The following SRFBP1 variants were observed in gnomAD, a reference collection of about 807,000 sequenced individuals.
SRFBP1 encodes serum response factor-binding protein 1.
A neutral mutation model predicts 45.5 loss-of-function variants in SRFBP1; 47 were observed. That is an observed-to-expected ratio of 1.03 (90% CI 0.82 to 1.32). The LOEUF (loss-of-function observed/expected upper bound fraction) is 1.32, where lower values mean the gene tolerates loss of function less well. Among genes scored for constraint, SRFBP1 ranks in the 40% most tolerant of loss-of-function variants. The pLI, the probability that SRFBP1 is intolerant of heterozygous loss-of-function variation, is 0.00. For synonymous variants in SRFBP1, 203 were observed against 166.3 expected, an observed-to-expected ratio of 1.22 and a Z score of -1.70; for missense variants, 621 against 484.6, an observed-to-expected ratio of 1.28 and a Z score of -2.64.
chr5:121,979,336 A>G (rs1752361879), intron 3 of SRFBP1, among the ~76,000 whole-genome samples: 1 of 152,146 alleles, frequency 6.6e-6, no homozygotes, highest in Admixed American at 6.5e-5. Flanking sequence ...ATGCTTTTTT[A>G]AAAGTTACCA....
At chr5:121,982,448 C>G (rs950129774) in intron 3 of SRFBP1, among the ~76,000 whole-genome samples, 1 of 151,836 alleles carries the variant, frequency 6.6e-6, no homozygotes, top group Non-Finnish European at 1.5e-5. Context: ...ATTCTTAACA[C>G]TTTTGCATTT....
chr5:121,977,463 G>A (rs998610452), intron 3 of SRFBP1, among the ~76,000 whole-genome samples: 1 of 151,932 alleles, frequency 6.6e-6, no homozygotes, highest in African/African-American at 2.4e-5. Flanking sequence ...CTTATTTATG[G>A]TTCTTTTACA....
chr5:121,992,006 A>G (rs1247421990), intron 3 of SRFBP1, among the ~76,000 whole-genome samples: 1 of 152,172 alleles, frequency 6.6e-6, no homozygotes, highest in Non-Finnish European at 1.5e-5. Context: ...TCCGAATAAT[A>G]TGGTATAATG....
chr5:122,019,650 G>A (rs114870932), intron 5 of SRFBP1, among the ~76,000 whole-genome samples: 6,654 of 150,192 alleles, frequency 0.044, 171 homozygotes, highest in African/African-American at 0.06. Context: ...TTTTGGTTTC[G>A]CCACTTAGGA....
At chr5:122,061,741 A>T (rs566251458) in intron 2 of SRFBP1, among the ~76,000 whole-genome samples, 108 of 152,016 alleles carry the variant, frequency 7.1e-4, no homozygotes, top group Middle Eastern at 6.8e-3. Flanking sequence ...GGAAAGACAT[A>T]TTTTTTTCTA....
chr5:122,012,476 C>T (rs1248974343), intron 4 of SRFBP1, among the ~76,000 whole-genome samples: 1 of 151,986 alleles, frequency 6.6e-6, no homozygotes, highest in African/African-American at 2.4e-5. Context: ...ATTTATGAAA[C>T]ATATAACTAA....
chr5:122,010,829 A>AT (rs1186431452), intron 4 of SRFBP1, among the ~76,000 whole-genome samples: 2 of 152,114 alleles, frequency 1.3e-5, no homozygotes, highest in Non-Finnish European at 2.9e-5. Flanking sequence ...ATTGGAGAGT[A>AT]TTTTTCCAAA....
At chr5:122,020,824 GA>G in intron 6 of SRFBP1, 22 bp downstream of exon 6, 1 of 1,503,278 alleles carries the variant, frequency 6.7e-7, no homozygotes, top group Non-Finnish European at 8.9e-7. Context: ...TTTCTATTCT[GA>G]AATAATCATT....
chr5:121,985,360 A>G (rs17416859), intron 3 of SRFBP1, among the ~76,000 whole-genome samples: 3,342 of 151,622 alleles, frequency 0.022, 68 homozygotes, highest in Non-Finnish European at 0.03. Context: ...TACATTGTAA[A>G]GGAAGTATGT....
At chr5:122,041,344 T>A (rs560319060) in intron 2 of SRFBP1, among the ~76,000 whole-genome samples, 3 of 152,322 alleles carry the variant, frequency 2.0e-5, no homozygotes, top group South Asian at 4.1e-4. Flanking sequence ...TTACCATAAT[T>A]GATTTAAAGT....
intron 3 of SRFBP1, among the ~76,000 whole-genome samples, chr5:121,984,083 C>T (rs1011581160): frequency 2.0e-5 from 3 of 151,750 alleles, no homozygotes; most frequent in Admixed American, 6.6e-5. Flanking sequence ...CAGGATTTTC[C>T]ACCACATCAC....
At chr5:122,019,397 A>G (rs1450296585) in intron 5 of SRFBP1, 56 bp downstream of exon 5, 3 of 1,344,066 alleles carry the variant, frequency 2.2e-6, no homozygotes, top group Non-Finnish European at 2.1e-6. Flanking sequence ...GACTTTGGAT[A>G]ATGGCTATTC....
chr5:122,000,147 C>A (rs959360695), intron 4 of SRFBP1, among the ~76,000 whole-genome samples: 6 of 151,972 alleles, frequency 3.9e-5, no homozygotes, highest in Admixed American at 3.3e-4. Context: ...CTTTAATTAA[C>A]CAAAATCTGC....
intron 3 of SRFBP1, among the ~76,000 whole-genome samples, chr5:121,991,572 A>G (rs17416943): frequency 1.0e-3 from 152 of 152,320 alleles, no homozygotes; most frequent in African/African-American, 2.8e-3. Flanking sequence ...TAGTACATCA[A>G]AAGGAGCCTT....
downstream of SRFBP1, among the ~76,000 whole-genome samples, chr5:122,029,871 A>G (rs1753562601): frequency 6.6e-6 from 1 of 152,196 alleles, no homozygotes; most frequent in Non-Finnish European, 1.5e-5. Context: ...CTCAAATTCT[A>G]CTTAATTTGG....
downstream of SRFBP1, chr5:122,077,668 C>G (rs201057470): frequency 1.2e-6 from 2 of 1,604,470 alleles, no homozygotes; most frequent in Admixed American, 1.7e-5. The surrounding 1 kb of genome is among the most constrained non-coding windows in gnomAD (Gnocchi z 4.9). Flanking sequence ...ATGAGCCGGC[C>G]GTCCGCGTTC....
intron 5 of SRFBP1, 49 bp from the exon 6 acceptor site, chr5:122,020,039 T>C (rs759294908): frequency 4.6e-6 from 6 of 1,303,496 alleles, no homozygotes; most frequent in Non-Finnish European, 6.3e-6. Flanking sequence ...AACAGTCATG[T>C]TTTATATGTT....
At chr5:121,974,112 G>C in intron 1 of SRFBP1, 84 bp from the exon 2 acceptor site, 1 of 898,276 alleles carries the variant, frequency 1.1e-6, no homozygotes, top group East Asian at 2.6e-5. Flanking sequence ...GGTAGACTAA[G>C]TCTCAAATAT....
chr5:122,022,443 T>A (rs1331959859), intron 7 of SRFBP1, 36 bp downstream of exon 7: 1 of 1,573,902 alleles, frequency 6.4e-7, no homozygotes. Flanking sequence ...TCATATGCAA[T>A]TAAGCTATGT....
Sources: gnomAD v4.1 joint callset for allele counts (sites outside exome capture counted in the v4.1 genomes callset) on GRCh38, gnomAD v4.1.1 for gene constraint, Gnocchi (gnomAD v3.1) non-coding constraint, MANE v1.5 for transcripts, NCBI Gene and HGNC (gene_info 2026-07-23, HGNC 2026-07-21) for gene names.